PABPC4L: variants seen among roughly 807,000 people sequenced by gnomAD.
The protein encoded by PABPC4L is polyadenylate-binding protein 4-like.
For missense variants in PABPC4L, 452 were observed against 451.4 expected, an observed-to-expected ratio of 1.00 and a Z score of -0.01; for synonymous variants, 169 against 164.1, an observed-to-expected ratio of 1.03 and a Z score of -0.23.
At chr4:134,038,553 G>C in the PABPC4L span, among the ~76,000 whole-genome samples, 1 of 151,944 alleles carries the variant, frequency 6.6e-6, no homozygotes, top group Non-Finnish European at 1.5e-5. Context: ...GTCTTGGGAA[G>C]GTGTATGTGT....
the PABPC4L span, among the ~76,000 whole-genome samples, chr4:134,026,608 G>A: frequency 3.9e-5 from 6 of 152,010 alleles, no homozygotes; most frequent in Non-Finnish European, 8.8e-5. Context: ...CTATGTTATG[G>A]GTTGAATTGT....
chr4:134,099,504 G>A, the PABPC4L span, among the ~76,000 whole-genome samples: 1 of 151,682 alleles, frequency 6.6e-6, no homozygotes, highest in African/African-American at 2.4e-5. Context: ...AATCTTGCTA[G>A]AATTCCAGAT....
the PABPC4L span, among the ~76,000 whole-genome samples, chr4:133,999,298 A>T: frequency 6.6e-6 from 1 of 152,152 alleles, no homozygotes; most frequent in Non-Finnish European, 1.5e-5. Context: ...TGGGAAAGAA[A>T]GATATTTATT....
chr4:134,200,809 T>C lies in PABPC4L; in HGVS notation c.211A>G (p.Met71Val), dbSNP rs545806110. The change falls in exon 2 of 2, where the codon ATG (methionine) becomes GTG (valine). Residue 71 changes from methionine to valine, a missense_variant. Met to Val is a conservative substitution (Grantham distance 21). Transcript: ENST00000421491. ...TTGCCTTTTATGATGTCAAAGTTCA[T>C]TGTGTCCAGCGCCTTCTGGGCATCA... Reference protein sequence around the residue: ...LADAQKALDTMNFDIIKGKSI... With the variant: ...LADAQKALDTVNFDIIKGKSI... 3.9e-6 allele frequency: 6 copies of C among 1,552,536 alleles called. No homozygotes were observed. The highest frequency in any genetic ancestry group is 1.2e-5 in the South Asian group (1 of 84,078).
At chr4:134,089,843 T>C in the PABPC4L span, among the ~76,000 whole-genome samples, 1 of 152,062 alleles carries the variant, frequency 6.6e-6, no homozygotes, top group Non-Finnish European at 1.5e-5. Context: ...CCCCTGTGTA[T>C]AACCTGGGAT....
At chr4:134,132,270 AACAGACAACCC>A in the PABPC4L span, among the ~76,000 whole-genome samples, 1 of 152,112 alleles carries the variant, frequency 6.6e-6, no homozygotes, top group Non-Finnish European at 1.5e-5. Flanking sequence ...CAACAGAGTA[AACAGACAACCC>A]ACAGTGGGAG....
chr4:134,034,319 A>G, the PABPC4L span, among the ~76,000 whole-genome samples: 1 of 151,888 alleles, frequency 6.6e-6, no homozygotes, highest in Non-Finnish European at 1.5e-5. Context: ...GCATCTAGTC[A>G]CCCGTGAGCT....
the PABPC4L span, among the ~76,000 whole-genome samples, chr4:134,152,807 C>A: frequency 6.6e-6 from 1 of 152,130 alleles, no homozygotes; most frequent in African/African-American, 2.4e-5. Context: ...GCTGACACTT[C>A]TCCAGTATGT....
chr4:133,980,380 A>T, the PABPC4L span, among the ~76,000 whole-genome samples: 3 of 152,198 alleles, frequency 2.0e-5, no homozygotes, highest in Non-Finnish European at 4.4e-5. Flanking sequence ...CCTTGGAAAG[A>T]TGTGGTCTTA....
the PABPC4L span, among the ~76,000 whole-genome samples, chr4:134,177,210 G>C: frequency 2.2e-5 from 3 of 133,636 alleles, no homozygotes; most frequent in African/African-American, 8.6e-5. Flanking sequence ...TTTAGACGTA[G>C]TCTAGCTGTC....
the PABPC4L span, among the ~76,000 whole-genome samples, chr4:134,154,804 T>C: frequency 6.6e-6 from 1 of 152,098 alleles, no homozygotes; most frequent in Non-Finnish European, 1.5e-5. Flanking sequence ...GTTTCAGGAT[T>C]ATGTGAGCTA....
At chr4:134,127,955 G>A in the PABPC4L span, among the ~76,000 whole-genome samples, 2 of 151,948 alleles carry the variant, frequency 1.3e-5, no homozygotes, top group Non-Finnish European at 2.9e-5. Flanking sequence ...TAAATAGCAT[G>A]AATAAAAAAC....
chr4:134,022,395 C>G, the PABPC4L span, among the ~76,000 whole-genome samples: 1 of 152,052 alleles, frequency 6.6e-6, no homozygotes, highest in Non-Finnish European at 1.5e-5. Flanking sequence ...GAGGCAAAGA[C>G]GTTACGAATA....
At chr4:134,107,592 T>C in the PABPC4L span, among the ~76,000 whole-genome samples, 2 of 151,634 alleles carry the variant, frequency 1.3e-5, no homozygotes, top group Non-Finnish European at 3.0e-5. Context: ...CAAGTATTTT[T>C]ATACATTGTT....
At chr4:134,107,660 C>T in the PABPC4L span, among the ~76,000 whole-genome samples, 1 of 151,630 alleles carries the variant, frequency 6.6e-6, no homozygotes, top group South Asian at 2.1e-4. Flanking sequence ...TATGTAGAAA[C>T]AGAACATTTA....
At chr4:134,121,900 A>G in the PABPC4L span, among the ~76,000 whole-genome samples, 1 of 151,984 alleles carries the variant, frequency 6.6e-6, no homozygotes, top group South Asian at 2.1e-4. Flanking sequence ...AAATCAACAA[A>G]TATCCCATGA....
At chr4:134,196,317 T>A (rs548650863), downstream of PABPC4L, 2 of 151,782 alleles carry the variant, frequency 1.3e-5, no homozygotes, top group African/African-American at 4.8e-5. Flanking sequence ...TAAATAAAAA[T>A]CATTTTCAAA....
the PABPC4L span, among the ~76,000 whole-genome samples, chr4:134,061,593 AC>A: frequency 6.8e-6 from 1 of 147,186 alleles, no homozygotes; most frequent in Non-Finnish European, 1.5e-5. Context: ...TTAATATAAT[AC>A]ACATACACAC....
At chr4:134,153,499 C>A in the PABPC4L span, among the ~76,000 whole-genome samples, 1 of 152,016 alleles carries the variant, frequency 6.6e-6, no homozygotes, top group Non-Finnish European at 1.5e-5. Flanking sequence ...ATTTTATTTT[C>A]AAAATTTATT....
Sources: gnomAD v4.1 joint callset for allele counts (sites outside exome capture counted in the v4.1 genomes callset) on GRCh38, gnomAD v4.1.1 for gene constraint, MANE v1.5 for transcripts, NCBI Gene and HGNC (gene_info 2026-07-23, HGNC 2026-07-21) for gene names.